Variants in AGPAT3 observed in about 807,000 individuals in gnomAD.
AGPAT3 encodes 1-acyl-sn-glycerol-3-phosphate acyltransferase gamma.
A neutral mutation model predicts 47.3 loss-of-function variants in AGPAT3; 5 were observed. The observed-to-expected ratio is 0.11, with a 90% CI of 0.06 to 0.22. The LOEUF is 0.22. Among genes scored for constraint, AGPAT3 ranks in the 10% least tolerant of loss-of-function variants. AGPAT3 has a pLI of 1.00. For synonymous variants in AGPAT3, 212 were observed against 208.3 expected (o/e 1.02, Z -0.15); for missense variants, 315 against 493.0 (o/e 0.64, Z 3.42).
intron 2 of AGPAT3, among the ~76,000 whole-genome samples, chr21:43,947,401 G>A (rs960892787): frequency 3.3e-5 from 5 of 152,214 alleles, no homozygotes; most frequent in South Asian, 2.1e-4. Context: ...AAGAGAGGCC[G>A]ACCAGGGCTG....
chr21:43,884,824 G>A (rs1364781982), intron 1 of AGPAT3, among the ~76,000 whole-genome samples: 2 of 152,184 alleles, frequency 1.3e-5, no homozygotes, highest in African/African-American at 4.8e-5. Context: ...CTATCTGTGG[G>A]TCTGCCCTTG....
At position 43,954,205 on chromosome 21, in the gene AGPAT3, A is replaced by G. The variant is rs566480083; in HGVS notation, c.-48-5429A>G. On this transcript the variant is annotated intron_variant, in intron 2 of 9. Transcript: ENST00000291572. The surrounding 1 kb of genome is among the most constrained non-coding windows in gnomAD (Gnocchi z 4.0). ...GAGGCGGGGACCGGTGTGGCCAAGC[A>G]GGGCACCTTCCTCACCGTCACCCTT... Among the ~76,000 whole-genome samples the G allele has an allele frequency of 3.3e-5, 5 of 152,318 alleles. No individual in the cohort carries two copies. The highest frequency in any genetic ancestry group is 1.2e-4 in the African/African-American group (5 of 41,582).
At chr21:43,926,380 C>T (rs2087051935) in intron 2 of AGPAT3, among the ~76,000 whole-genome samples, 2 of 152,174 alleles carry the variant, frequency 1.3e-5, no homozygotes, top group African/African-American at 4.8e-5. Context: ...ACACGTAGGA[C>T]AGCGGGGTGG....
chr21:43,909,642 C>G (rs975472488), intron 2 of AGPAT3, among the ~76,000 whole-genome samples: 6 of 152,312 alleles, frequency 3.9e-5, no homozygotes, highest in African/African-American at 1.2e-4. Flanking sequence ...TTGAGTCTTT[C>G]CTGGATAATG....
chr21:43,878,994 G>A (rs116847040), intron 1 of AGPAT3, among the ~76,000 whole-genome samples: 3 of 151,994 alleles, frequency 2.0e-5, no homozygotes, highest in African/African-American at 4.8e-5. Context: ...GCCCACCTCG[G>A]GTCCTAAAGT....
At chr21:43,912,633 C>T (rs2086652284) in intron 2 of AGPAT3, among the ~76,000 whole-genome samples, 1 of 152,246 alleles carries the variant, frequency 6.6e-6, no homozygotes, top group African/African-American at 2.4e-5. Flanking sequence ...TGGACTTCAG[C>T]ATCTGCTTTT....
chr21:43,907,466 C>T (rs1293625953), intron 2 of AGPAT3, among the ~76,000 whole-genome samples: 1 of 152,140 alleles, frequency 6.6e-6, no homozygotes, highest in Non-Finnish European at 1.5e-5. Flanking sequence ...ACCTGTAATC[C>T]CAGGACTTTG....
At chr21:43,909,964 C>G (rs1293461109) in intron 2 of AGPAT3, among the ~76,000 whole-genome samples, 1 of 152,090 alleles carries the variant, frequency 6.6e-6, no homozygotes, top group Non-Finnish European at 1.5e-5. Context: ...CCAGGGTGCC[C>G]CAGGACACCC....
At chr21:43,978,448 G>T (rs934381953) in intron 8 of AGPAT3, among the ~76,000 whole-genome samples, 2 of 152,078 alleles carry the variant, frequency 1.3e-5, no homozygotes, top group Non-Finnish European at 2.9e-5. Flanking sequence ...AGCTACAGGC[G>T]CAAGCCACCA....
At chr21:43,889,858 C>T (rs1243017710) in intron 1 of AGPAT3, among the ~76,000 whole-genome samples, 1 of 152,206 alleles carries the variant, frequency 6.6e-6, no homozygotes, top group African/African-American at 2.4e-5. Flanking sequence ...GGGTCTGCTT[C>T]GACGTGAATG....
At chr21:43,937,262 T>G (rs1355503493) in intron 2 of AGPAT3, among the ~76,000 whole-genome samples, 1 of 152,176 alleles carries the variant, frequency 6.6e-6, no homozygotes, top group Non-Finnish European at 1.5e-5. Context: ...GGTCCCTAGA[T>G]ATGTGTGAGT....
At chr21:43,910,526 G>A (rs980632795) in intron 2 of AGPAT3, among the ~76,000 whole-genome samples, 5 of 152,226 alleles carry the variant, frequency 3.3e-5, no homozygotes, top group Non-Finnish European at 5.9e-5. Context: ...AGTGAATTAG[G>A]TGAAGTCCTA....
At chr21:43,886,243 A>G (rs1250682154) in intron 1 of AGPAT3, among the ~76,000 whole-genome samples, 2 of 151,970 alleles carry the variant, frequency 1.3e-5, no homozygotes, top group Non-Finnish European at 2.9e-5. Flanking sequence ...TTTATACTAG[A>G]TCTTTTTTTA....
intron 2 of AGPAT3, among the ~76,000 whole-genome samples, chr21:43,956,874 G>T (rs972035435): frequency 2.0e-5 from 3 of 152,218 alleles, no homozygotes; most frequent in African/African-American, 7.2e-5. Context: ...TCCTTTTTGT[G>T]ACCTAGCCTT....
At position 43,971,450 on chromosome 21, in the gene AGPAT3, A is replaced by G; in HGVS notation, c.727A>G (p.Ile243Val). Residue 243 changes from isoleucine (I) to valine (V), a missense_variant, in exon 7 of 10, where the codon ATC (isoleucine) becomes GTC (valine). Ile to Val is a conservative substitution (Grantham distance 29). Coordinates refer to ENST00000291572, the MANE Select transcript of AGPAT3 (RefSeq NM_020132.5). ...AAACAAGAACCCGTCCCTGCTGGGG[A>G]TCCTCTACGGGAAGAAGTACGAGGC... ...RGNKNPSLLG[I>V]LYGKKYEADM... 6.2e-7 allele frequency: 1 copy of G among 1,614,170 alleles called. No individual in the cohort carries two copies. The highest frequency in any genetic ancestry group is 8.5e-7 in the Non-Finnish European group (1 of 1,180,022).
rs1043338085 is a variant in AGPAT3 at position 43,920,908 on chromosome 21, G to A, written c.-49+16889G>A. Among the ~76,000 whole-genome samples, 9 of 151,932 alleles carry A rather than the reference G, an allele frequency of 5.9e-5. No homozygotes were observed. The highest frequency in any genetic ancestry group is 1.9e-4 in the East Asian group (1 of 5,184). On this transcript the variant is annotated intron_variant, in intron 2 of 9. Transcript: ENST00000291572. The surrounding 1 kb of genome is among the most constrained non-coding windows in gnomAD (Gnocchi z 6.1). Reference sequence around the variant, plus strand: ...TGGGAGGCTGAGGCGGGCAGATCACGAGGTCAGGAGATCAAGACCACGGTG... The same window carrying A: ...TGGGAGGCTGAGGCGGGCAGATCACAAGGTCAGGAGATCAAGACCACGGTG...
chr21:43,895,509 ATTTT>A (rs10716158), intron 1 of AGPAT3, among the ~76,000 whole-genome samples: 3 of 122,272 alleles, frequency 2.5e-5, no homozygotes, highest in Non-Finnish European at 1.7e-5. Context: ...TAGTGACAGG[ATTTT>A]TTTTTTTTTT....
Position 43,975,985 on chromosome 21 carries a change from CT to C in AGPAT3, c.768-2047del, listed in dbSNP as rs112906148. Among the ~76,000 whole-genome samples the C allele has an allele frequency of 3.3e-3, 468 of 140,358 alleles. 1 individual carries two copies. Among genetic ancestry groups the C allele is most frequent in the Middle Eastern group, 7.2e-3 (2 of 278 alleles). The allele number at this position is 140,358 out of a possible 152,430, so 92.1% of individuals were successfully genotyped here. A position where few individuals can be genotyped will look rare whatever the true frequency, so the allele number is the denominator to read the frequency against. ...GGCAGGGATGTGTGTTTTTCTTTTC[CT>C]TTTTTTTTTTTTTAAGAGAAAACCA... is the stretch of plus-strand genomic sequence containing the variant. On this transcript the variant is annotated intron_variant, in intron 7 of 9. Coordinates refer to ENST00000291572, the MANE Select transcript of AGPAT3 (RefSeq NM_020132.5).
rs563538837 is a variant in AGPAT3 at position 43,974,640 on chromosome 21, TGTG to T, written c.767+3154_767+3156del. On this transcript the variant is annotated intron_variant, in intron 7 of 9. Coordinates refer to ENST00000291572, the MANE Select transcript of AGPAT3 (RefSeq NM_020132.5). The stretch of plus-strand genomic sequence containing the variant: ...TAAATTATGTGTTTGATATGTGTGG[TGTG>T]GTGTGTATAAATTATAAATGTGTGT... Among the ~76,000 whole-genome samples the T allele has an allele frequency of 1.6e-3, 244 of 151,506 alleles. 1 individual carries two copies. The highest frequency in any genetic ancestry group is 5.4e-3 in the African/African-American group (223 of 41,276).
Sources: gnomAD v4.1 joint callset for allele counts (sites outside exome capture counted in the v4.1 genomes callset) on GRCh38, gnomAD v4.1.1 for gene constraint, Gnocchi (gnomAD v3.1) non-coding constraint, MANE v1.5 for transcripts, NCBI Gene and HGNC (gene_info 2026-07-23, HGNC 2026-07-21) for gene names.